TMEM176B: variants seen among roughly 807,000 people sequenced by gnomAD.
The protein encoded by TMEM176B is transmembrane protein 176B.
TMEM176B carries 28 observed loss-of-function variants against 30.3 expected under a neutral mutation model. The observed-to-expected ratio is 0.92, with a 90% CI of 0.68 to 1.27. The LOEUF (loss-of-function observed/expected upper bound fraction) is 1.27, where lower values mean the gene tolerates loss of function less well. TMEM176B is among the 50% of genes most tolerant of loss of function. The pLI, the probability that TMEM176B is intolerant of heterozygous loss-of-function variation, is 0.00. For synonymous variants in TMEM176B, 123 were observed against 130.3 expected (o/e 0.94, Z 0.38); for missense variants, 349 against 327.4 (o/e 1.07, Z -0.51).
At chr7:150,793,381 C>T in intron 4 of TMEM176B, 66 bp from the exon 5 acceptor site, 1 of 1,531,564 alleles carries the variant, frequency 6.5e-7, no homozygotes. Context: ...AGGTCCCCGC[C>T]TCAAATCCCT....
rs777156324 is a variant in TMEM176B, at chr7:150,794,770, G to A, written c.205-699C>T. Among the ~76,000 whole-genome samples, 46 of 151,904 alleles carry A rather than the reference G, an allele frequency of 3.0e-4. 1 individual carries two copies. Among genetic ancestry groups the A allele is most frequent in the Admixed American group, 1.6e-3 (24 of 15,264 alleles). On this transcript the variant is annotated intron_variant, in intron 2 of 6. Coordinates refer to ENST00000326442, the MANE Select transcript of TMEM176B (RefSeq NM_001101312.2). ...TGCTCCCCCTCTTTTCATTTCATAG[G>A]TGTCATACCCCAATAAGCCGTTCAC...
At chr7:150,794,627 C>A (rs1798448846) in intron 2 of TMEM176B, among the ~76,000 whole-genome samples, 1 of 152,012 alleles carries the variant, frequency 6.6e-6, no homozygotes. Context: ...AAGACAGTGG[C>A]TCAAGGGCCA....
upstream of TMEM176B, chr7:150,801,232 G>A (rs964955488): frequency 1.6e-5 from 4 of 245,258 alleles, no homozygotes; most frequent in African/African-American, 2.2e-5. Context: ...GTGAGGGGTC[G>A]AGGTGTGGGG....
chr7:150,792,524 A>T (rs1798354604), intron 5 of TMEM176B, among the ~76,000 whole-genome samples: 1 of 152,180 alleles, frequency 6.6e-6, no homozygotes, highest in African/African-American at 2.4e-5. Flanking sequence ...GGTACTCCCC[A>T]TTGGAATCCA....
At chr7:150,798,463 GACGGGGTTTC>G (rs1167145759) in intron 1 of TMEM176B, among the ~76,000 whole-genome samples, 1 of 152,156 alleles carries the variant, frequency 6.6e-6, no homozygotes. Context: ...TTTTAGTAGA[GACGGGGTTTC>G]ACCGTGTTAG....
At position 150,792,083 on chromosome 7, in the gene TMEM176B, G is replaced by T. The variant is rs201688180; in HGVS notation, c.693C>A (p.Asn231Lys). The stretch of plus-strand genomic sequence containing the variant: ...GGGGCTGGGAGCTCTGGCCACACAA[G>T]TTTCGAAGACCTACTCCCAAGGAAA... ...SLVSLGVGLR[N>K]LCGQSSQPLN... The change falls in exon 6 of 7, where the codon AAC (asparagine) becomes AAA (lysine). Residue 231 changes from asparagine (N) to lysine (K), a missense_variant. Asn to Lys is a moderately conservative substitution (Grantham distance 94). Coordinates refer to ENST00000326442, the MANE Select transcript of TMEM176B (RefSeq NM_001101312.2). 1 of 1,613,836 alleles carries T rather than the reference G, an allele frequency of 6.2e-7. No individual in the cohort carries two copies.
At chr7:150,792,763 T>C (rs1015857781) in intron 5 of TMEM176B, among the ~76,000 whole-genome samples, 15 of 152,316 alleles carry the variant, frequency 9.8e-5, no homozygotes, top group South Asian at 2.1e-4. Flanking sequence ...AATAATAAGT[T>C]GTCATTTTAA....
At chr7:150,795,946 C>A (rs1355293504) in intron 2 of TMEM176B, among the ~76,000 whole-genome samples, 1 of 152,132 alleles carries the variant, frequency 6.6e-6, no homozygotes, top group African/African-American at 2.4e-5. Flanking sequence ...AGTCGAGAGG[C>A]CAGGGGCAAA....
intron 6 of TMEM176B, 139 bp from the exon 7 acceptor site, chr7:150,791,762 A>AT (rs1798319221): frequency 1.1e-6 from 1 of 885,478 alleles, no homozygotes; most frequent in Non-Finnish European, 1.7e-6. Flanking sequence ...CAAAAAAAAA[A>AT]CAAGGTGGCA....
At chr7:150,799,362 AT>A (rs1057026905) in intron 1 of TMEM176B, among the ~76,000 whole-genome samples, 5 of 152,218 alleles carry the variant, frequency 3.3e-5, no homozygotes, top group Non-Finnish European at 5.9e-5. Context: ...CTTAATGCTA[AT>A]TGGGCTGTTT....
intron 2 of TMEM176B, 139 bp downstream of exon 2, chr7:150,796,227 C>T (rs1283327919): frequency 2.8e-6 from 2 of 718,310 alleles, no homozygotes; most frequent in African/African-American, 3.6e-5. Context: ...TGGAGACCAC[C>T]TGGTCTGTGT....
chr7:150,795,180 G>A (rs558901735), intron 2 of TMEM176B, among the ~76,000 whole-genome samples: 77 of 152,252 alleles, frequency 5.1e-4, no homozygotes, highest in African/African-American at 1.8e-3. Flanking sequence ...TCCTGACTCT[G>A]AGGCAGGTTC....
chr7:150,801,033 G>A, upstream of TMEM176B: 1 of 979,558 alleles, frequency 1.0e-6, no homozygotes, highest in Non-Finnish European at 1.2e-6. Context: ...CAGGGGCGGC[G>A]TGAACCCGTC....
Position 150,793,582 on chromosome 7 carries a change from C to CCA in TMEM176B, c.333_334insTG (p.Gly112TrpfsTer37). 6.2e-7 allele frequency: 1 copy of CCA among 1,613,652 alleles called. No homozygotes were observed. The highest frequency in any genetic ancestry group is 8.5e-7 in the Non-Finnish European group (1 of 1,179,840). On this transcript the variant is annotated frameshift_variant, in exon 4 of 7. Coordinates refer to ENST00000326442, the MANE Select transcript of TMEM176B (RefSeq NM_001101312.2). LOFTEE classifies it high-confidence loss of function. ...GGGTGCTTCTCATGGACAATGGCCC[C>CCA]AGCTCCTGCTGCGATCACCTGAAAA...
intron 2 of TMEM176B, among the ~76,000 whole-genome samples, chr7:150,794,681 G>A (rs1209093387): frequency 2.0e-5 from 3 of 146,944 alleles, no homozygotes; most frequent in South Asian, 2.1e-4. Flanking sequence ...ACCTTTGCCT[G>A]GGAGCTCCCC....
intron 1 of TMEM176B, among the ~76,000 whole-genome samples, chr7:150,798,944 A>T (rs1798643437): frequency 6.6e-6 from 1 of 152,122 alleles, no homozygotes; most frequent in South Asian, 2.1e-4. Flanking sequence ...TTGTATATTC[A>T]TACAATCCAT....
At chr7:150,797,733 G>A (rs186925339) in intron 1 of TMEM176B, among the ~76,000 whole-genome samples, 5 of 152,150 alleles carry the variant, frequency 3.3e-5, no homozygotes, top group African/African-American at 9.6e-5. Flanking sequence ...CAAGTGACTC[G>A]ATTATGATTC....
upstream of TMEM176B, chr7:150,800,755 C>T (rs1165041741): frequency 6.4e-6 from 1 of 156,168 alleles, no homozygotes. Flanking sequence ...GCCTCCCCCT[C>T]CAACTCTCAA....
intron 1 of TMEM176B, among the ~76,000 whole-genome samples, chr7:150,799,308 A>C (rs1364690911): frequency 2.0e-5 from 3 of 152,252 alleles, no homozygotes; most frequent in Non-Finnish European, 4.4e-5. Flanking sequence ...GCCCATTGGC[A>C]TGTCTCATGG....
Sources: allele counts gnomAD v4.1 joint callset (sites outside exome capture counted in the v4.1 genomes callset), GRCh38; gene constraint gnomAD v4.1.1; transcripts MANE v1.5; gene names NCBI Gene and HGNC (gene_info 2026-07-23, HGNC 2026-07-21).